Variants in EPHA6 observed in about 807,000 individuals in gnomAD.
EPHA6 encodes EPH receptor A6.
Under a neutral mutation model 112.0 loss-of-function variants are expected in EPHA6, and 50 were observed. The ratio of observed to expected loss-of-function variants is 0.45; its 90% CI spans 0.36 to 0.56. The LOEUF (loss-of-function observed/expected upper bound fraction) is 0.56. Ranked by LOEUF, EPHA6 falls within the 20% of genes least tolerant of loss-of-function variation. The probability of loss-of-function intolerance (pLI) is 0.00; values close to 1 mark genes in which losing one functional copy is unlikely to be tolerated. For missense variants in EPHA6, 1,280 were observed against 1,417.4 expected (o/e 0.90, Z 1.56); for synonymous variants, 529 against 490.7 (o/e 1.08, Z -1.03).
chr3:97,748,570 T>G lies in EPHA6; in HGVS notation c.3279-17T>G. ...CTCTCACTCTCGCTCTCACTCTTGC[T>G]CTCTCCTTTCTTTCAGTGACATTAG... On this transcript the variant is annotated splice_polypyrimidine_tract_variant and intron_variant, in intron 17 of 17. Coordinates refer to ENST00000389672, the MANE Select transcript of EPHA6 (RefSeq NM_001080448.3). The G allele has an allele frequency of 7.4e-7, 1 of 1,344,584 alleles. No homozygotes were observed. Among genetic ancestry groups the G allele is most frequent in the Non-Finnish European group, 1.1e-6 (1 of 937,636 alleles). 83.3% of individuals were successfully genotyped at this position (1,344,584 alleles called of 1,614,324 possible). A position where few individuals can be genotyped will look rare whatever the true frequency, so the allele number is the denominator to read the frequency against.
chr3:97,658,852 A>G (rs2107626932), intron 14 of EPHA6, among the ~76,000 whole-genome samples: 2 of 152,082 alleles, frequency 1.3e-5, no homozygotes, highest in Middle Eastern at 6.8e-3. Context: ...GTCATGATAC[A>G]TTTGTATAGG....
intron 11 of EPHA6, among the ~76,000 whole-genome samples, chr3:97,548,077 C>T (rs1393115289): frequency 6.6e-6 from 1 of 152,206 alleles, no homozygotes; most frequent in Non-Finnish European, 1.5e-5. Context: ...CACTGTCCTG[C>T]ACCTACTGTC....
chr3:97,024,994 A>T (rs1360022049), intron 3 of EPHA6, among the ~76,000 whole-genome samples: 1 of 152,192 alleles, frequency 6.6e-6, no homozygotes. Flanking sequence ...GCCTCTGTAT[A>T]TGTAATGTAA....
intron 3 of EPHA6, among the ~76,000 whole-genome samples, chr3:97,184,419 A>C (rs2077067473): frequency 6.6e-6 from 1 of 152,128 alleles, no homozygotes; most frequent in South Asian, 2.1e-4. Context: ...ATACACCAAT[A>C]ACAGACAAAT....
At chr3:97,212,272 T>G (rs2077897921) in intron 3 of EPHA6, among the ~76,000 whole-genome samples, 1 of 152,124 alleles carries the variant, frequency 6.6e-6, no homozygotes, top group East Asian at 1.9e-4. Flanking sequence ...ATGAAGAAAG[T>G]AATATTAATG....
chr3:97,344,092 G>A (rs2083433102), intron 5 of EPHA6, among the ~76,000 whole-genome samples: 1 of 152,090 alleles, frequency 6.6e-6, no homozygotes, highest in Non-Finnish European at 1.5e-5. Flanking sequence ...GTTCACAGGT[G>A]GAGGGGAGTT....
intron 3 of EPHA6, among the ~76,000 whole-genome samples, chr3:97,077,881 T>C (rs2108185624): frequency 6.6e-6 from 1 of 152,340 alleles, no homozygotes; most frequent in South Asian, 2.1e-4. Flanking sequence ...TATAGCAGCA[T>C]GATTTATAAT....
chr3:97,001,314 T>G (rs933093390), intron 3 of EPHA6, among the ~76,000 whole-genome samples: 4 of 151,868 alleles, frequency 2.6e-5, no homozygotes, highest in African/African-American at 9.7e-5. Context: ...TTAAGATATC[T>G]TGTTGTCTCT....
At chr3:96,935,166 C>G (rs940392495) in intron 2 of EPHA6, among the ~76,000 whole-genome samples, 1 of 151,816 alleles carries the variant, frequency 6.6e-6, no homozygotes, top group Non-Finnish European at 1.5e-5. Flanking sequence ...ACAATACTCA[C>G]ATTAACAACA....
At chr3:97,669,340 T>A (rs1348896841) in intron 14 of EPHA6, among the ~76,000 whole-genome samples, 1 of 152,070 alleles carries the variant, frequency 6.6e-6, no homozygotes, top group Non-Finnish European at 1.5e-5. Flanking sequence ...TTTTTCATTG[T>A]GTAGATCAGT....
intron 3 of EPHA6, among the ~76,000 whole-genome samples, chr3:97,171,340 T>C (rs2076694324): frequency 6.6e-6 from 1 of 152,026 alleles, no homozygotes; most frequent in Non-Finnish European, 1.5e-5. Context: ...CTTTTTTGAA[T>C]CATGGAATAA....
chr3:97,032,813 G>A (rs1559682704), intron 3 of EPHA6, among the ~76,000 whole-genome samples: 1 of 152,008 alleles, frequency 6.6e-6, no homozygotes, highest in Non-Finnish European at 1.5e-5. Context: ...TAAGCCTAGC[G>A]ATAAAAGGCA....
chr3:97,542,135 A>C (rs959757622), intron 11 of EPHA6, among the ~76,000 whole-genome samples: 8 of 151,312 alleles, frequency 5.3e-5, no homozygotes, highest in African/African-American at 1.9e-4. Context: ...GTACATGTGC[A>C]CAATGTGCAC....
chr3:97,210,002 T>A (rs911208434), intron 3 of EPHA6, among the ~76,000 whole-genome samples: 3 of 152,162 alleles, frequency 2.0e-5, no homozygotes, highest in African/African-American at 7.2e-5. Flanking sequence ...TTTCTAAGTT[T>A]TGAATAAAGC....
chr3:97,729,092 G>GAAGAAAATCTT (rs2034913942), intron 15 of EPHA6, among the ~76,000 whole-genome samples: 1 of 152,078 alleles, frequency 6.6e-6, no homozygotes, highest in African/African-American at 2.4e-5. Flanking sequence ...AAGAAAATCT[G>GAAGAAAATCTT]AAAAAGAAAA....
At chr3:97,451,625 T>C (rs1424139014) in intron 7 of EPHA6, among the ~76,000 whole-genome samples, 1 of 148,788 alleles carries the variant, frequency 6.7e-6, no homozygotes, top group Non-Finnish European at 1.5e-5. Flanking sequence ...TAGCTTTAAA[T>C]AGCATTTTCA....
At chr3:97,633,366 C>T (rs1282281598) in intron 13 of EPHA6, among the ~76,000 whole-genome samples, 2 of 152,030 alleles carry the variant, frequency 1.3e-5, no homozygotes, top group Non-Finnish European at 2.9e-5. Flanking sequence ...GCCATATTCA[C>T]TCTCTTTCAT....
chr3:96,963,564 G>C (rs537419378), intron 2 of EPHA6, among the ~76,000 whole-genome samples: 54 of 152,214 alleles, frequency 3.5e-4, no homozygotes, highest in African/African-American at 1.3e-3. Flanking sequence ...CTTCTGTAGG[G>C]TTTAGCAGTT....
chr3:97,680,877 T>G (rs2031806960), intron 14 of EPHA6, among the ~76,000 whole-genome samples: 1 of 152,186 alleles, frequency 6.6e-6, no homozygotes, highest in South Asian at 2.1e-4. Flanking sequence ...AAGTAAAAAG[T>G]CTTTGTACTT....
Sources: allele counts gnomAD v4.1 joint callset (sites outside exome capture counted in the v4.1 genomes callset), GRCh38; gene constraint gnomAD v4.1.1; transcripts MANE v1.5; gene names NCBI Gene and HGNC (gene_info 2026-07-23, HGNC 2026-07-21).